PAPSS1: variants seen among roughly 807,000 people sequenced by gnomAD.
PAPSS1 encodes the protein bifunctional 3'-phosphoadenosine 5'-phosphosulfate synthase 1.
In PAPSS1, 50 loss-of-function variants were observed where a neutral mutation model predicts 72.0. The observed-to-expected ratio is 0.69, with a 90% confidence interval of 0.55 to 0.88. The LOEUF is 0.88. PAPSS1 is among the 40% of genes least tolerant of loss of function. PAPSS1 has a pLI of 0.00. For missense variants in PAPSS1, 657 were observed against 782.2 expected, an observed-to-expected ratio of 0.84 and a Z score of 1.91; for synonymous variants, 261 against 263.6, an observed-to-expected ratio of 0.99 and a Z score of 0.09.
At chr4:107,665,208 C>T (rs762482273) in intron 5 of PAPSS1, among the ~76,000 whole-genome samples, 2 of 152,170 alleles carry the variant, frequency 1.3e-5, no homozygotes, top group Non-Finnish European at 2.9e-5. Flanking sequence ...AGGACTCAGT[C>T]TCTTACAGGA....
At chr4:107,712,329 T>C (rs1164047488) in intron 1 of PAPSS1, among the ~76,000 whole-genome samples, 1 of 152,098 alleles carries the variant, frequency 6.6e-6, no homozygotes, top group Non-Finnish European at 1.5e-5. Context: ...TAGTTATACA[T>C]AGGTAAATAA....
rs775559994 is a variant in PAPSS1, at chr4:107,654,765, A to G, written c.1031T>C (p.Phe344Ser). 44 of 1,613,860 alleles carry G rather than the reference A, an allele frequency of 2.7e-5. No homozygotes were observed. The highest frequency in any genetic ancestry group is 3.7e-5 in the Non-Finnish European group (44 of 1,179,934). Residue 344 changes from phenylalanine to serine, a missense_variant, in exon 8 of 12, where the codon TTT becomes TCT. Coordinates refer to ENST00000265174, the MANE Select transcript of PAPSS1 (RefSeq NM_005443.5). ...ACAGCGCTCCTCTTTCCTGTGCTCAAAAAACTCTGGATTGCGAAGAATGGC... is the reference window on the plus strand; with the variant it reads ...ACAGCGCTCCTCTTTCCTGTGCTCAGAAAACTCTGGATTGCGAAGAATGGC... ...RVAILRNPEF[F>S]EHRKEERCAR...
At chr4:107,668,997 T>A (rs960268260) in intron 5 of PAPSS1, among the ~76,000 whole-genome samples, 6 of 152,182 alleles carry the variant, frequency 3.9e-5, no homozygotes, top group African/African-American at 1.4e-4. Context: ...TATTATTCCT[T>A]GCTTTAAAGC....
intron 1 of PAPSS1, 102 bp from the exon 2 acceptor site, chr4:107,701,387 G>T: frequency 1.4e-6 from 1 of 713,618 alleles, no homozygotes; most frequent in Non-Finnish European, 2.3e-6. Flanking sequence ...CATGCCAAAA[G>T]CAAAGAAAAA....
At chr4:107,683,057 T>C (rs1208278772) in intron 4 of PAPSS1, among the ~76,000 whole-genome samples, 1 of 152,216 alleles carries the variant, frequency 6.6e-6, no homozygotes, top group Non-Finnish European at 1.5e-5. Context: ...GAGTTAAAGA[T>C]ACGCTATTCC....
chr4:107,684,835 T>C (rs1722731050), intron 4 of PAPSS1, among the ~76,000 whole-genome samples: 2 of 152,314 alleles, frequency 1.3e-5, no homozygotes, highest in South Asian at 2.1e-4. Context: ...CTTGGGCACA[T>C]GTTCTCAGGA....
rs201149991 is a variant in PAPSS1, at chr4:107,654,884, C to T, written c.912G>A (p.Leu304=). ...TCGCAGTCAGAACTATAGGTACTGA[C>T]AAGTTAATGACACCTCCTGCAGAGC... The part of the protein sequence containing the change: ...DCLLDGGVIN[L]SVPIVLTATH... Residue 304 remains leucine, a synonymous_variant, in exon 8 of 12, where the codon TTG becomes TTA. Coordinates refer to ENST00000265174, the MANE Select transcript of PAPSS1 (RefSeq NM_005443.5). 1.8e-5 allele frequency: 29 copies of T among 1,613,708 alleles called. No homozygotes were observed. In the African/African-American group the frequency reaches 3.2e-4, roughly 18 times the overall value.
At chr4:107,672,061 C>T (rs943997812) in intron 5 of PAPSS1, among the ~76,000 whole-genome samples, 3 of 152,110 alleles carry the variant, frequency 2.0e-5, no homozygotes, top group Admixed American at 1.3e-4. Context: ...AACTATAGTT[C>T]CAATAAAAAT....
intron 5 of PAPSS1, among the ~76,000 whole-genome samples, chr4:107,667,925 T>G (rs1447586867): frequency 6.6e-6 from 1 of 152,186 alleles, no homozygotes; most frequent in Non-Finnish European, 1.5e-5. Flanking sequence ...CCAGATAGTG[T>G]TGTCTTTGAT....
intron 11 of PAPSS1, among the ~76,000 whole-genome samples, chr4:107,618,316 T>A (rs79577588): frequency 6.7e-6 from 1 of 149,234 alleles, no homozygotes; most frequent in Non-Finnish European, 1.5e-5. Context: ...TAATAGATGA[T>A]AAAAGAAAGA....
chr4:107,674,536 G>A (rs1727583844), intron 5 of PAPSS1, among the ~76,000 whole-genome samples: 1 of 152,194 alleles, frequency 6.6e-6, no homozygotes, highest in African/African-American at 2.4e-5. Flanking sequence ...CATAAAGTAA[G>A]TCCTTAGAGA....
At chr4:107,701,010 A>AT (rs1216232131) in intron 2 of PAPSS1, among the ~76,000 whole-genome samples, 161 bp downstream of exon 2, 6 of 137,176 alleles carry the variant, frequency 4.4e-5, no homozygotes, top group East Asian at 2.5e-4. Context: ...AGAACAAAAA[A>AT]AAAAATAACA....
intron 1 of PAPSS1, among the ~76,000 whole-genome samples, chr4:107,709,862 TAA>T (rs1184836108): frequency 1.3e-5 from 2 of 152,232 alleles, no homozygotes; most frequent in Admixed American, 6.5e-5. Context: ...TGTTCAATAA[TAA>T]AAGTCTCCTG....
At chr4:107,632,672 C>A (rs971289921) in intron 10 of PAPSS1, among the ~76,000 whole-genome samples, 3 of 152,138 alleles carry the variant, frequency 2.0e-5, no homozygotes, top group African/African-American at 7.2e-5. Flanking sequence ...AGTAAAAGAT[C>A]ATCTCTAGTT....
chr4:107,647,939 A>G (rs1726736736), intron 9 of PAPSS1, among the ~76,000 whole-genome samples: 1 of 152,124 alleles, frequency 6.6e-6, no homozygotes, highest in African/African-American at 2.4e-5. Flanking sequence ...GATGCATTAC[A>G]AAAACTATTT....
chr4:107,703,535 T>A (rs780602468), intron 1 of PAPSS1, among the ~76,000 whole-genome samples: 1 of 152,222 alleles, frequency 6.6e-6, no homozygotes, highest in Non-Finnish European at 1.5e-5. Context: ...GTTTTTTTTA[T>A]ATGAGGTGAG....
intron 4 of PAPSS1, among the ~76,000 whole-genome samples, chr4:107,685,910 G>A (rs534353297): frequency 4.1e-4 from 62 of 152,314 alleles, no homozygotes; most frequent in Middle Eastern, 6.8e-3. Flanking sequence ...TCCCTGCTGG[G>A]AAGGCAAACT....
chr4:107,682,089 C>T lies in PAPSS1; in HGVS notation c.595G>A (p.Glu199Lys). The change falls in exon 5 of 12, where the codon GAG (glutamate) becomes AAG (lysine). Residue 199 changes from glutamate to lysine, a missense_variant. Glu to Lys is a moderately conservative substitution (Grantham distance 56). Transcript: ENST00000265174. ...CAGGAGTCTGTTTTCAGCACCAACT[C>T]AGGGGCCTCTGGCTTTTCATATTCA... is the stretch of plus-strand genomic sequence containing the variant. The part of the protein sequence containing the change: ...DSEYEKPEAP[E>K]LVLKTDSCDV... 1 of 1,611,636 alleles carries T rather than the reference C, an allele frequency of 6.2e-7. No homozygotes were observed. The highest frequency in any genetic ancestry group is 8.5e-7 in the Non-Finnish European group (1 of 1,178,074).
At chr4:107,641,229 T>C (rs534380627) in intron 10 of PAPSS1, among the ~76,000 whole-genome samples, 17 of 152,312 alleles carry the variant, frequency 1.1e-4, no homozygotes, top group African/African-American at 4.1e-4. Flanking sequence ...CATTATCTGA[T>C]CAAATTCCTT....
Sources: allele counts gnomAD v4.1 joint callset (sites outside exome capture counted in the v4.1 genomes callset), GRCh38; gene constraint gnomAD v4.1.1; transcripts MANE v1.5; gene names NCBI Gene and HGNC (gene_info 2026-07-23, HGNC 2026-07-21).